Variants in BACH2 observed in about 807,000 individuals in gnomAD.
BACH2 encodes transcription regulator protein BACH2.
Under a neutral mutation model 61.8 loss-of-function variants are expected in BACH2, and 5 were observed. The observed-to-expected ratio is 0.08, with a 90% CI of 0.04 to 0.17. The LOEUF (loss-of-function observed/expected upper bound fraction) is 0.17. Ranked by LOEUF, BACH2 falls within the 10% of genes least tolerant of loss-of-function variation. BACH2 has a pLI of 1.00. For missense variants in BACH2, 824 were observed against 1,091.1 expected (o/e 0.76, Z 3.45); for synonymous variants, 446 against 440.1 (o/e 1.01, Z -0.17).
At chr6:90,125,427 G>A (rs1436039635) in intron 4 of BACH2, among the ~76,000 whole-genome samples, 3 of 152,138 alleles carry the variant, frequency 2.0e-5, no homozygotes, top group Non-Finnish European at 4.4e-5. Flanking sequence ...CCCTTTGAAG[G>A]TTCTCATGAT....
In BACH2 at chr6:89,987,660, G is replaced by A. The variant is rs182935338; in HGVS notation, c.243+20942C>T. 1.4e-3 allele frequency among the ~76,000 whole-genome samples: 208 copies of A among 152,258 alleles called. 3 individuals are homozygous for A. The highest frequency in any genetic ancestry group is 0.013 in the Admixed American group (203 of 15,300). ...GAAGAACTTGCTAGTAGTCACGGTTGTATAAAATGGAGGAAGGAGCTCTCT... is the reference window on the plus strand; with the variant it reads ...GAAGAACTTGCTAGTAGTCACGGTTATATAAAATGGAGGAAGGAGCTCTCT... On this transcript the variant is annotated intron_variant, in intron 6 of 8. Coordinates refer to ENST00000257749, the MANE Select transcript of BACH2 (RefSeq NM_021813.4).
chr6:89,977,940 A>ATTTT (rs1775745051), intron 6 of BACH2, among the ~76,000 whole-genome samples: 1 of 152,214 alleles, frequency 6.6e-6, no homozygotes, highest in Admixed American at 6.5e-5. Context: ...TTCAGCTTGC[A>ATTTT]TCAGCAGCTG....
intron 4 of BACH2, among the ~76,000 whole-genome samples, chr6:90,194,079 T>G (rs1768669959): frequency 6.6e-6 from 1 of 151,944 alleles, no homozygotes; most frequent in Admixed American, 6.6e-5. Context: ...TTTTTTTTTT[T>G]GAAATTAAGT....
intron 5 of BACH2, among the ~76,000 whole-genome samples, chr6:90,026,079 A>G (rs1228381635): frequency 6.6e-6 from 1 of 152,188 alleles, no homozygotes; most frequent in East Asian, 1.9e-4. Flanking sequence ...GAAAAAAACC[A>G]AGTCAAAACT....
At chr6:90,103,029 A>ATATATATATATATTTTTTT in intron 4 of BACH2, among the ~76,000 whole-genome samples, 16 of 21,162 alleles carry the variant, frequency 7.6e-4, no homozygotes, top group African/African-American at 3.4e-3. Context: ...ATATATATAT[A>ATATATATATATATTTTTTT]TTTTTTTTTT....
chr6:90,030,366 G>A (rs1403625082), intron 5 of BACH2, among the ~76,000 whole-genome samples: 1 of 152,132 alleles, frequency 6.6e-6, no homozygotes, highest in Non-Finnish European at 1.5e-5. Flanking sequence ...GGGTTTGAGA[G>A]AAGATGGTAG....
intron 5 of BACH2, among the ~76,000 whole-genome samples, chr6:90,068,316 ACT>A (rs1781060137): frequency 1.3e-5 from 2 of 152,232 alleles, no homozygotes; most frequent in Non-Finnish European, 2.9e-5. Flanking sequence ...CTCAGGCACC[ACT>A]GAGTACAGTA....
chr6:89,988,070 T>C (rs965014449), intron 6 of BACH2, among the ~76,000 whole-genome samples: 2 of 152,178 alleles, frequency 1.3e-5, no homozygotes, highest in African/African-American at 4.8e-5. Context: ...GCTGAGATCA[T>C]GAACAATTTG....
At chr6:90,088,817 C>G (rs1196914092) in intron 5 of BACH2, 144 bp downstream of exon 5, 1 of 152,114 alleles carries the variant, frequency 6.6e-6, no homozygotes. Flanking sequence ...TATACAGATT[C>G]CAACCTTTGC....
chr6:90,194,772 C>G (rs999578216), intron 4 of BACH2, among the ~76,000 whole-genome samples: 4 of 152,178 alleles, frequency 2.6e-5, no homozygotes, highest in Non-Finnish European at 5.9e-5. Flanking sequence ...TTGCCATGGT[C>G]AGAAAACATC....
At chr6:90,238,223 C>T (rs865834571) in intron 3 of BACH2, among the ~76,000 whole-genome samples, 3 of 152,088 alleles carry the variant, frequency 2.0e-5, no homozygotes, top group Admixed American at 6.6e-5. Flanking sequence ...TCTTATCGAT[C>T]GATCGATCAT....
chr6:89,959,231 C>T (rs765518080), intron 6 of BACH2, among the ~76,000 whole-genome samples: 31 of 151,824 alleles, frequency 2.0e-4, no homozygotes, highest in Admixed American at 5.3e-4. Flanking sequence ...AAACAGTAGA[C>T]CACCATTTGA....
At chr6:90,263,229 GA>G (rs1771220539) in intron 2 of BACH2, among the ~76,000 whole-genome samples, 1 of 152,124 alleles carries the variant, frequency 6.6e-6, no homozygotes, top group Non-Finnish European at 1.5e-5. Flanking sequence ...ACCTTTTCAT[GA>G]AAAATCATGG....
chr6:90,177,491 C>G (rs1403670803), intron 4 of BACH2, among the ~76,000 whole-genome samples: 1 of 152,222 alleles, frequency 6.6e-6, no homozygotes, highest in Non-Finnish European at 1.5e-5. Context: ...AGGAGGTTAA[C>G]ATCCCCAGGA....
intron 8 of BACH2, 89 bp downstream of exon 8, chr6:89,938,055 T>G: frequency 7.8e-7 from 1 of 1,274,274 alleles, no homozygotes; most frequent in Non-Finnish European, 1.1e-6. Flanking sequence ...GGGTGACCCT[T>G]CTGTCTACTT....
chr6:90,005,002 C>A (rs1461334971), intron 6 of BACH2, among the ~76,000 whole-genome samples: 1 of 151,906 alleles, frequency 6.6e-6, no homozygotes. Context: ...CAAGATAATT[C>A]AATTATTCCT....
rs1435945356 is a variant in BACH2, at chr6:90,115,252, C to T, written c.-161-26143G>A. On this transcript the variant is annotated intron_variant, in intron 4 of 8. Coordinates refer to ENST00000257749, the MANE Select transcript of BACH2 (RefSeq NM_021813.4). ...AAAAAGAACAAAGCCTGAGGAATCA[C>T]GTTACCTGACTTCAAACTACAATAT... Among the ~76,000 whole-genome samples the T allele has an allele frequency of 4.6e-5, 7 of 152,052 alleles. No homozygotes were observed. The South Asian group carries it at 6.2e-4, about 14-fold the overall frequency.
chr6:90,135,453 C>T (rs1784239606), intron 4 of BACH2, among the ~76,000 whole-genome samples: 1 of 152,190 alleles, frequency 6.6e-6, no homozygotes, highest in Non-Finnish European at 1.5e-5. Context: ...TTAGGCTGGG[C>T]ACAGTAGCTC....
At chr6:90,072,170 T>C (rs1443655958) in intron 5 of BACH2, among the ~76,000 whole-genome samples, 1 of 152,140 alleles carries the variant, frequency 6.6e-6, no homozygotes, top group Non-Finnish European at 1.5e-5. Flanking sequence ...TTGCATGGAG[T>C]TGAAAGTTCT....
Sources: gnomAD v4.1 joint callset for allele counts (sites outside exome capture counted in the v4.1 genomes callset) on GRCh38, gnomAD v4.1.1 for gene constraint, MANE v1.5 for transcripts, NCBI Gene and HGNC (gene_info 2026-07-23, HGNC 2026-07-21) for gene names.